The following SYNE3 variants were observed in gnomAD, a reference collection of about 807,000 sequenced individuals.
SYNE3 encodes spectrin repeat containing nuclear envelope family member 3, also known as nesprin-3.
In SYNE3, 100 loss-of-function variants were observed where a neutral mutation model predicts 111.2. The observed-to-expected ratio is 0.90, with a 90% confidence interval of 0.77 to 1.06. The LOEUF is 1.06. SYNE3 is among the 50% of genes least tolerant of loss of function. The pLI, the probability that SYNE3 is intolerant of heterozygous loss-of-function variation, is 0.00. For synonymous variants in SYNE3, 547 were observed against 533.9 expected (o/e 1.02, Z -0.34); for missense variants, 1,160 against 1,240.3 (o/e 0.94, Z 0.97).
chr14:95,479,409 C>T (rs1889094018), intron 1 of SYNE3, among the ~76,000 whole-genome samples: 1 of 152,000 alleles, frequency 6.6e-6, no homozygotes, highest in African/African-American at 2.4e-5. Context: ...ACCTGGAGCA[C>T]ACACCATGCT....
chr14:95,515,885 C>T (rs1485392560), intron 1 of SYNE3, among the ~76,000 whole-genome samples: 1 of 152,226 alleles, frequency 6.6e-6, no homozygotes, highest in Admixed American at 6.5e-5. Flanking sequence ...TAGGACACTG[C>T]TCCCGGGTTG....
At chr14:95,513,583 A>C (rs1260517925) in intron 1 of SYNE3, among the ~76,000 whole-genome samples, 1 of 151,652 alleles carries the variant, frequency 6.6e-6, no homozygotes, top group Non-Finnish European at 1.5e-5. Context: ...CAGCTTCCCA[A>C]ACTTGTCCCC....
intron 17 of SYNE3, among the ~76,000 whole-genome samples, chr14:95,429,616 T>C (rs1018209296): frequency 6.6e-6 from 1 of 152,226 alleles, no homozygotes; most frequent in Non-Finnish European, 1.5e-5. Context: ...TGAGATCCGT[T>C]AGCTCAAAAG....
chr14:95,427,378 TCA>T (rs1322442589), intron 17 of SYNE3, among the ~76,000 whole-genome samples: 1 of 152,032 alleles, frequency 6.6e-6, no homozygotes, highest in African/African-American at 2.4e-5. Context: ...GGGCCTGACA[TCA>T]GTCAGGCCCG....
chr14:95,495,710 C>T (rs1046814154), intron 1 of SYNE3, among the ~76,000 whole-genome samples: 6 of 152,190 alleles, frequency 3.9e-5, no homozygotes, highest in African/African-American at 1.4e-4. Flanking sequence ...TGTAAAATGT[C>T]GGCAGAATGA....
At chr14:95,459,818 C>G (rs1455856024) in intron 4 of SYNE3, among the ~76,000 whole-genome samples, 1 of 152,032 alleles carries the variant, frequency 6.6e-6, no homozygotes, top group African/African-American at 2.4e-5. Context: ...TCTCTCAAGG[C>G]TGGGCATGGT....
At chr14:95,515,767 G>C (rs1420066254) in intron 1 of SYNE3, among the ~76,000 whole-genome samples, 1 of 152,160 alleles carries the variant, frequency 6.6e-6, no homozygotes, top group African/African-American at 2.4e-5. Context: ...GAAAGCCCAG[G>C]GTTGGAGCTT....
At chr14:95,510,121 C>T (rs951440696) in intron 1 of SYNE3, among the ~76,000 whole-genome samples, 5 of 152,176 alleles carry the variant, frequency 3.3e-5, no homozygotes, top group South Asian at 2.1e-4. Context: ...TGTACATGAG[C>T]GTTTGTTTCC....
At chr14:95,487,192 G>A (rs1022457567) in intron 1 of SYNE3, among the ~76,000 whole-genome samples, 1 of 152,220 alleles carries the variant, frequency 6.6e-6, no homozygotes, top group African/African-American at 2.4e-5. Flanking sequence ...TGGTAGAAGC[G>A]ACTTCTCCTT....
intron 17 of SYNE3, among the ~76,000 whole-genome samples, chr14:95,423,896 GGGA>G (rs1885290206): frequency 1.4e-5 from 1 of 71,818 alleles, no homozygotes; most frequent in Non-Finnish European, 3.1e-5. Flanking sequence ...GATGGGGATG[GGGA>G]TTTGATGGGG....
At chr14:95,449,644 G>T (rs777651268) in intron 8 of SYNE3, 48 of 985,302 alleles carry the variant, frequency 4.9e-5, no homozygotes, top group Non-Finnish European at 5.5e-5. Context: ...GCCTGAGAAC[G>T]CTGCTCTCTC....
chr14:95,503,610 CTTT>C (rs386382233), intron 1 of SYNE3, among the ~76,000 whole-genome samples: 177 of 91,870 alleles, frequency 1.9e-3, no homozygotes, highest in African/African-American at 7.4e-3. Context: ...TCAGAACTAC[CTTT>C]TTTTTTTTTT....
intron 17 of SYNE3, among the ~76,000 whole-genome samples, chr14:95,425,647 A>G (rs1885388763): frequency 6.6e-6 from 1 of 152,200 alleles, no homozygotes; most frequent in African/African-American, 2.4e-5. Flanking sequence ...CAAATGGAGC[A>G]CACTAATGTA....
At chr14:95,437,830 G>C (rs1886182398) in intron 14 of SYNE3, 1 of 151,754 alleles carries the variant, frequency 6.6e-6, no homozygotes, top group African/African-American at 2.4e-5. Context: ...ATAAAATATA[G>C]TCATGGCACA....
rs1034827683 is a variant in SYNE3 at position 95,499,985 on chromosome 14, G to A, written c.-15+16611C>T. Reference sequence around the variant, plus strand: ...AGCAATTCTCCTGCCTCAGCCTCCAGAATAGCTGGGACTACAGGCACCTGC... The same window carrying A: ...AGCAATTCTCCTGCCTCAGCCTCCAAAATAGCTGGGACTACAGGCACCTGC... On this transcript the variant is annotated intron_variant, in intron 1 of 17. Coordinates refer to ENST00000682763, the MANE Select transcript of SYNE3 (RefSeq NM_152592.6). 3.4e-5 allele frequency among the ~76,000 whole-genome samples: 5 copies of A among 148,958 alleles called. No individual in the cohort carries two copies. The South Asian group carries it at 8.8e-4, about 26-fold the overall frequency.
chr14:95,516,239 G>A (rs1019693519), intron 1 of SYNE3: 4 of 152,262 alleles, frequency 2.6e-5, no homozygotes, highest in African/African-American at 9.6e-5. Flanking sequence ...GCCCCTAGGG[G>A]AGGCAGAGGG....
intron 3 of SYNE3, among the ~76,000 whole-genome samples, chr14:95,466,618 C>G (rs1202757843): frequency 6.6e-6 from 1 of 152,188 alleles, no homozygotes; most frequent in African/African-American, 2.4e-5. Context: ...CCAGTCATTT[C>G]TCTTTGGCAC....
chr14:95,476,208 A>G (rs1888881859), intron 1 of SYNE3, among the ~76,000 whole-genome samples: 1 of 152,218 alleles, frequency 6.6e-6, no homozygotes, highest in Admixed American at 6.5e-5. Context: ...CTGGACCCAT[A>G]ATGATCTTGA....
rs1566683852 is a variant in SYNE3 at position 95,485,957 on chromosome 14, CA to C, written c.-14-10123del. Among the ~76,000 whole-genome samples the C allele has an allele frequency of 1.3e-5, 2 of 152,134 alleles. No individual in the cohort carries two copies. Among genetic ancestry groups the C allele is most frequent in the Non-Finnish European group, 2.9e-5 (2 of 68,016 alleles). The stretch of plus-strand genomic sequence containing the variant: ...AAGGGTCAGGGGAGGGACAGAGGTG[CA>C]GACAGCAGCCTGCACTCAAGGGGTA... On this transcript the variant is annotated intron_variant, in intron 1 of 17. Coordinates refer to ENST00000682763, the MANE Select transcript of SYNE3 (RefSeq NM_152592.6). This position sits in a 1 kb window ranked among gnomAD's most constrained non-coding sequence, Gnocchi z 4.3.
Sources: allele counts gnomAD v4.1 joint callset (sites outside exome capture counted in the v4.1 genomes callset), GRCh38; gene constraint gnomAD v4.1.1; non-coding constraint Gnocchi (gnomAD v3.1); transcripts MANE v1.5; gene names NCBI Gene and HGNC (gene_info 2026-07-23, HGNC 2026-07-21).